SRPK2: variants seen among roughly 807,000 people sequenced by gnomAD.
The protein encoded by SRPK2 is SFRS protein kinase 2.
A neutral mutation model predicts 90.8 loss-of-function variants in SRPK2; 21 were observed. The observed-to-expected ratio is 0.23, with a 90% confidence interval of 0.16 to 0.33. SRPK2 has a LOEUF of 0.33. Ranked by LOEUF, SRPK2 falls within the 10% of genes least tolerant of loss-of-function variation. SRPK2 has a pLI of 1.00. For synonymous variants in SRPK2, 288 were observed against 311.1 expected (o/e 0.93, Z 0.78); for missense variants, 620 against 869.0 (o/e 0.71, Z 3.60).
At chr7:105,327,849 G>A (rs1468103561) in intron 2 of SRPK2, among the ~76,000 whole-genome samples, 1 of 152,224 alleles carries the variant, frequency 6.6e-6, no homozygotes, top group Non-Finnish European at 1.5e-5. Context: ...CACCCAGGCT[G>A]GAGTGCAGTG....
intron 11 of SRPK2, among the ~76,000 whole-genome samples, chr7:105,140,833 C>T (rs1266157216): frequency 2.0e-5 from 3 of 151,776 alleles, no homozygotes; most frequent in South Asian, 2.1e-4. Flanking sequence ...TGGTGGCACG[C>T]GCCTATAATC....
upstream of SRPK2, among the ~76,000 whole-genome samples, chr7:105,392,772 ACAGGTGTGAACCACTATACC>A (rs1358368166): frequency 3.3e-5 from 5 of 151,120 alleles, no homozygotes; most frequent in South Asian, 4.2e-4. Flanking sequence ...TGCTGGGATT[ACAGGTGTGAACCACTATACC>A]CAGACTTAAG....
intron 2 of SRPK2, among the ~76,000 whole-genome samples, chr7:105,296,737 C>T (rs1809865729): frequency 6.6e-6 from 1 of 152,180 alleles, no homozygotes. Flanking sequence ...AAGAAAAACA[C>T]TAATAGAGCT....
intron 2 of SRPK2, among the ~76,000 whole-genome samples, chr7:105,295,084 C>A (rs953439378): frequency 6.6e-6 from 1 of 151,738 alleles, no homozygotes; most frequent in African/African-American, 2.4e-5. Flanking sequence ...TGGTGGCATG[C>A]GCCTGTAGTC....
rs537310994 is a variant in SRPK2 at position 105,185,153 on chromosome 7, T to C, written c.230-15888A>G. Among the ~76,000 whole-genome samples the C allele has an allele frequency of 1.9e-3, 294 of 152,168 alleles. 3 individuals are homozygous for C. The highest frequency in any genetic ancestry group is 0.014 in the Middle Eastern group (4 of 294). On this transcript the variant is annotated intron_variant, in intron 3 of 15. Transcript: ENST00000393651. ...TATTGAATTATGAACTGAAGAAACA[T>C]AACTGATCTTAGAATGAGAAAGTCT... is the stretch of plus-strand genomic sequence containing the variant.
chr7:105,232,413 C>G (rs559089188), intron 2 of SRPK2, among the ~76,000 whole-genome samples: 2 of 147,006 alleles, frequency 1.4e-5, no homozygotes, highest in African/African-American at 2.5e-5. Context: ...GAGCCGAGAT[C>G]GCGCCATTGC....
upstream of SRPK2, chr7:105,388,922 GCGCCGC>G (rs754679660): frequency 2.3e-5 from 28 of 1,203,570 alleles, no homozygotes; most frequent in Middle Eastern, 3.3e-4. Flanking sequence ...AACCGCGCCT[GCGCCGC>G]CGCCGCCGCC....
At chr7:105,146,459 C>G in intron 8 of SRPK2, 34 bp downstream of exon 8, 1 of 1,609,418 alleles carries the variant, frequency 6.2e-7, no homozygotes, top group Non-Finnish European at 8.5e-7. Flanking sequence ...CCCAATGCCC[C>G]CACACTGAAA....
At chr7:105,215,801 A>G (rs1797389412) in intron 2 of SRPK2, among the ~76,000 whole-genome samples, 1 of 152,204 alleles carries the variant, frequency 6.6e-6, no homozygotes, top group Non-Finnish European at 1.5e-5. Flanking sequence ...TAGAAACAGA[A>G]GGTAGATCAG....
chr7:105,226,638 C>A (rs1400030036), intron 2 of SRPK2, among the ~76,000 whole-genome samples: 1 of 152,040 alleles, frequency 6.6e-6, no homozygotes, highest in East Asian at 1.9e-4. Context: ...AAAGACCTCC[C>A]CTTTAAAAGA....
rs1792434762 is a variant in SRPK2, at chr7:105,179,406, G to C, written c.230-10141C>G. Among the ~76,000 whole-genome samples, 5 of 152,306 alleles carry C rather than the reference G, an allele frequency of 3.3e-5. 1 individual carries two copies. Among genetic ancestry groups the C allele is most frequent in the African/African-American group, 1.2e-4 (5 of 41,562 alleles). Reference sequence around the variant, plus strand: ...CAGATTAACAAATGAGCAGGTCAGAGTTAAGAGTATTGTCTATGGCTATTT... The same window carrying C: ...CAGATTAACAAATGAGCAGGTCAGACTTAAGAGTATTGTCTATGGCTATTT... On this transcript the variant is annotated intron_variant, in intron 3 of 15. Coordinates refer to ENST00000393651, the MANE Select transcript of SRPK2 (RefSeq NM_182692.3).
chr7:105,201,344 C>A (rs1284340060), intron 3 of SRPK2, among the ~76,000 whole-genome samples: 2 of 152,068 alleles, frequency 1.3e-5, no homozygotes, highest in African/African-American at 4.8e-5. Context: ...CTCTAATGAC[C>A]TTACTGATGC....
At chr7:105,342,957 T>C (rs921122856) in intron 2 of SRPK2, among the ~76,000 whole-genome samples, 1 of 152,118 alleles carries the variant, frequency 6.6e-6, no homozygotes, top group East Asian at 1.9e-4. Context: ...AAAAATGTGC[T>C]AAGGGCCTGA....
At chr7:105,316,277 C>G (rs535556547) in intron 2 of SRPK2, among the ~76,000 whole-genome samples, 2 of 152,086 alleles carry the variant, frequency 1.3e-5, no homozygotes, top group Non-Finnish European at 2.9e-5. Flanking sequence ...TTGAGGTAAT[C>G]TTAAAACTGT....
intron 2 of SRPK2, among the ~76,000 whole-genome samples, chr7:105,362,881 T>C (rs1471595468): frequency 6.6e-6 from 1 of 151,778 alleles, no homozygotes; most frequent in Non-Finnish European, 1.5e-5. Context: ...AAAGAATGAG[T>C]TCCTTTGTAG....
intron 2 of SRPK2, among the ~76,000 whole-genome samples, chr7:105,290,766 C>T (rs1378118885): frequency 2.6e-5 from 4 of 151,622 alleles, no homozygotes; most frequent in African/African-American, 9.8e-5. Flanking sequence ...AGGCCGGGCG[C>T]GGTGGCTCAC....
rs1807432899 is a variant in SRPK2 at position 105,160,394 on chromosome 7, T to C, written c.621+113A>G. Reference sequence around the variant, plus strand: ...ACATATGTAACATACATAACATATATACATTATGCACTGATACATATGTAA... The same window carrying C: ...ACATATGTAACATACATAACATATACACATTATGCACTGATACATATGTAA... On this transcript the variant is annotated intron_variant, in intron 7 of 15. Coordinates refer to ENST00000393651, the MANE Select transcript of SRPK2 (RefSeq NM_182692.3). The C allele has an allele frequency of 8.6e-6, 5 of 582,314 alleles. No individual in the cohort carries two copies. The South Asian group carries it at 1.0e-4, about 12-fold the overall frequency. The allele number at this position is 582,314 out of a possible 1,614,324, so 36.1% of individuals were successfully genotyped here. A position where few individuals can be genotyped will look rare whatever the true frequency, so the allele number is the denominator to read the frequency against.
At chr7:105,179,910 C>T (rs1563044305) in intron 3 of SRPK2, among the ~76,000 whole-genome samples, 1 of 145,190 alleles carries the variant, frequency 6.9e-6, no homozygotes, top group Non-Finnish European at 1.5e-5. Flanking sequence ...ATAAGAATTA[C>T]AAAACACTCT....
At chr7:105,258,641 T>C (rs891651959) in intron 2 of SRPK2, among the ~76,000 whole-genome samples, 3 of 152,022 alleles carry the variant, frequency 2.0e-5, no homozygotes, top group African/African-American at 7.2e-5. Flanking sequence ...CTCAGTAAAA[T>C]ACTGGCAAAC....
Sources: gnomAD v4.1 joint callset for allele counts (sites outside exome capture counted in the v4.1 genomes callset) on GRCh38, gnomAD v4.1.1 for gene constraint, MANE v1.5 for transcripts, NCBI Gene and HGNC (gene_info 2026-07-23, HGNC 2026-07-21) for gene names.